The following AKAP9 variants were observed in gnomAD, a reference collection of about 807,000 sequenced individuals.
AKAP9 encodes the protein A-kinase anchoring protein 9.
In AKAP9, 311 loss-of-function variants were observed where a neutral mutation model predicts 488.5. That is an observed-to-expected ratio of 0.64 (90% CI 0.58 to 0.70). AKAP9 has a LOEUF of 0.70. Ranked by LOEUF, AKAP9 falls within the 30% of genes least tolerant of loss-of-function variation. The pLI is 0.00. For synonymous variants in AKAP9, 1,462 were observed against 1,483.5 expected, an observed-to-expected ratio of 0.99 and a Z score of 0.33; for missense variants, 4,215 against 4,374.5, an observed-to-expected ratio of 0.96 and a Z score of 1.03.
At chr7:92,041,932 CA>C in intron 18 of AKAP9, 113 bp from the exon 19 acceptor site, 3 of 1,106,980 alleles carry the variant, frequency 2.7e-6, no homozygotes, top group Non-Finnish European at 3.9e-6. Context: ...GAATATGAAT[CA>C]TAAGTAGAAC....
chr7:91,986,411 C>A (rs890493538), intron 3 of AKAP9, among the ~76,000 whole-genome samples: 1 of 152,168 alleles, frequency 6.6e-6, no homozygotes, highest in African/African-American at 2.4e-5. Context: ...ACCCACTGTC[C>A]GACCAGTCCC....
At chr7:92,033,720 G>A (rs1356872431) in intron 16 of AKAP9, among the ~76,000 whole-genome samples, 3 of 152,144 alleles carry the variant, frequency 2.0e-5, no homozygotes, top group African/African-American at 4.8e-5. Flanking sequence ...TAGCAGGCGT[G>A]AGCCACCATG....
intron 48 of AKAP9, among the ~76,000 whole-genome samples, chr7:92,108,195 C>G (rs958058873): frequency 9.9e-5 from 15 of 152,120 alleles, no homozygotes; most frequent in African/African-American, 2.9e-4. Flanking sequence ...AATTGATACT[C>G]TGATCATTAT....
chr7:91,999,015 A>G (rs374718732), intron 7 of AKAP9, among the ~76,000 whole-genome samples: 1 of 152,150 alleles, frequency 6.6e-6, no homozygotes, highest in Non-Finnish European at 1.5e-5. Flanking sequence ...TAACATGGTA[A>G]TATTGGGTGG....
At chr7:91,943,762 C>T (rs1391393589) in intron 1 of AKAP9, among the ~76,000 whole-genome samples, 1 of 152,142 alleles carries the variant, frequency 6.6e-6, no homozygotes, top group Admixed American at 6.6e-5. Flanking sequence ...TGTTACTTTC[C>T]TAGCACGGTT....
chr7:92,045,170 A>G lies in AKAP9; in HGVS notation c.5325A>G (p.Ala1775=). 1 of 1,614,010 alleles carries G rather than the reference A, an allele frequency of 6.2e-7. No individual in the cohort carries two copies. Among genetic ancestry groups the G allele is most frequent in the Non-Finnish European group, 8.5e-7 (1 of 1,179,996 alleles). ...SSASLIWRSE[A]EASVKSCVHE... is the part of the protein sequence containing the mutation. Reference sequence around the variant, plus strand: ...CCAGCCTAATTTGGAGGTCAGAAGCAGAGGCATCTGTAAAGTCATGTGTCC... The same window carrying G: ...CCAGCCTAATTTGGAGGTCAGAAGCGGAGGCATCTGTAAAGTCATGTGTCC... Residue 1775 remains alanine (A), a synonymous_variant, in exon 21 of 50, where the codon GCA becomes GCG. Transcript: ENST00000356239.
intron 3 of AKAP9, among the ~76,000 whole-genome samples, chr7:91,985,540 A>G (rs1002059582): frequency 2.6e-5 from 4 of 152,060 alleles, no homozygotes; most frequent in South Asian, 2.1e-4. Context: ...GGATTTTTGC[A>G]TTCATGTTAA....
intron 14 of AKAP9, among the ~76,000 whole-genome samples, chr7:92,023,778 G>T (rs1209362958): frequency 1.3e-5 from 2 of 152,074 alleles, no homozygotes; most frequent in East Asian, 1.9e-4. Context: ...CTACTGACTT[G>T]TCTGTCACTG....
chr7:91,959,400 C>G (rs1320090255), intron 1 of AKAP9, among the ~76,000 whole-genome samples: 1 of 151,838 alleles, frequency 6.6e-6, no homozygotes, highest in Non-Finnish European at 1.5e-5. Context: ...TCAAGCAGTC[C>G]TTCCACCTCA....
At chr7:91,945,713 G>A (rs1791378458) in intron 1 of AKAP9, among the ~76,000 whole-genome samples, 1 of 152,154 alleles carries the variant, frequency 6.6e-6, no homozygotes, top group Admixed American at 6.5e-5. Context: ...TCAGAGCTGG[G>A]CTAGCTCCCT....
At chr7:91,952,703 G>A (rs28687104) in intron 1 of AKAP9, among the ~76,000 whole-genome samples, 1 of 152,218 alleles carries the variant, frequency 6.6e-6, no homozygotes, top group Non-Finnish European at 1.5e-5. Flanking sequence ...TTAGCAAGAT[G>A]TGGCAAGAAA....
At chr7:92,054,083 T>C (rs1233196457) in intron 22 of AKAP9, among the ~76,000 whole-genome samples, 1 of 152,176 alleles carries the variant, frequency 6.6e-6, no homozygotes, top group East Asian at 1.9e-4. Flanking sequence ...TTTTTCAGCA[T>C]TGGGAGTAGG....
intron 1 of AKAP9, among the ~76,000 whole-genome samples, chr7:91,959,788 A>G (rs1351209320): frequency 6.6e-6 from 1 of 152,180 alleles, no homozygotes; most frequent in African/African-American, 2.4e-5. Flanking sequence ...GTCACTCAAT[A>G]TGTAAAGTCC....
intron 16 of AKAP9, among the ~76,000 whole-genome samples, chr7:92,036,346 C>T (rs1805199419): frequency 6.6e-6 from 1 of 151,800 alleles, no homozygotes; most frequent in South Asian, 2.1e-4. Context: ...GGTCTGTCAG[C>T]CAGGCTGGAG....
At chr7:91,941,233 G>A (rs1481028738) in intron 1 of AKAP9, 86 bp downstream of exon 1, 11 of 1,363,558 alleles carry the variant, frequency 8.1e-6, no homozygotes, top group Non-Finnish European at 1.1e-5. Context: ...GGAGTTCGCC[G>A]CAGCCCCAGT....
At chr7:92,057,999 TC>T (rs1011849286) in intron 22 of AKAP9, 7 of 236,330 alleles carry the variant, frequency 3.0e-5, no homozygotes, top group African/African-American at 1.3e-4. Flanking sequence ...ACTTTCCCCT[TC>T]CTTTTATTGT....
At chr7:92,033,231 C>T (rs1804575151) in intron 16 of AKAP9, among the ~76,000 whole-genome samples, 1 of 151,898 alleles carries the variant, frequency 6.6e-6, no homozygotes, top group Non-Finnish European at 1.5e-5. Context: ...GCACATGTAC[C>T]CTAAAACTTA....
chr7:92,065,091 G>A (rs1372445117), intron 24 of AKAP9, 140 bp from the exon 25 acceptor site: 2 of 489,272 alleles, frequency 4.1e-6, no homozygotes, highest in East Asian at 3.3e-5. Flanking sequence ...ACTTTCATAA[G>A]AGAATATTTA....
intron 44 of AKAP9, 102 bp from the exon 45 acceptor site, chr7:92,100,754 G>T (rs1293160927): frequency 3.0e-6 from 4 of 1,334,532 alleles, no homozygotes; most frequent in Non-Finnish European, 3.2e-6. Flanking sequence ...GTCTGGGTGG[G>T]GTTAGAAAGT....
Sources: allele counts gnomAD v4.1 joint callset (sites outside exome capture counted in the v4.1 genomes callset), GRCh38; gene constraint gnomAD v4.1.1; transcripts MANE v1.5; gene names NCBI Gene and HGNC (gene_info 2026-07-23, HGNC 2026-07-21).